L1CAM: variants seen among roughly 807,000 people sequenced by gnomAD.
The protein encoded by L1CAM is L1 cell adhesion molecule, also known as neural cell adhesion molecule L1.
Under a neutral mutation model 93.0 loss-of-function variants are expected in L1CAM, and 8 were observed. The observed-to-expected ratio is 0.09, with a 90% CI of 0.05 to 0.16. L1CAM has a LOEUF of 0.16. Ranked by LOEUF, L1CAM falls within the 10% of genes least tolerant of loss-of-function variation. The pLI is 1.00. For synonymous variants in L1CAM, 453 were observed against 453.0 expected, an observed-to-expected ratio of 1.00 and a Z score of 0.00; for missense variants, 777 against 1,073.4, an observed-to-expected ratio of 0.72 and a Z score of 3.86.
At chrX:153,885,188 G>A (rs1557096650) in intron 1 of L1CAM, among the ~76,000 whole-genome samples, 1 of 113,371 alleles carries the variant, frequency 8.8e-6, no homozygotes, top group African/African-American at 3.2e-5. Context: ...CACAGAGATA[G>A]GAAGATGTGG....
chrX:153,862,971 G>A (rs1269479088), intron 28 of L1CAM, 77 bp from the exon 29 acceptor site: 11 of 781,250 alleles, frequency 1.4e-5, no homozygotes, highest in Non-Finnish European at 2.1e-5. Flanking sequence ...TGAGGCAGAC[G>A]CCCGCCTGCC....
chrX:153,870,312 C>G (rs1260296575), intron 8 of L1CAM, 72 bp from the exon 9 acceptor site: 2 of 1,177,613 alleles, frequency 1.7e-6, no homozygotes, highest in Middle Eastern at 2.6e-4. Flanking sequence ...CCCCTATACC[C>G]CGCGGTGGTC....
chrX:153,883,598 A>C, intron 1 of L1CAM: 1 of 272,854 alleles, frequency 3.7e-6, no homozygotes, highest in Non-Finnish European at 7.2e-6. Context: ...CAGGGCAATG[A>C]GCACCCTGCT....
At chrX:153,875,526 G>T (rs2064806153) in intron 2 of L1CAM, 8 of 492,172 alleles carry the variant, frequency 1.6e-5, no homozygotes, top group Non-Finnish European at 2.6e-5. Flanking sequence ...TGCTGAAATC[G>T]CCCCGGCGGC....
intron 1 of L1CAM, among the ~76,000 whole-genome samples, chrX:153,877,005 TAAATAA>T (rs1209481788): frequency 9.7e-6 from 1 of 103,152 alleles, no homozygotes. Flanking sequence ...TCTAAAAAAA[TAAATAA>T]AAATAAAAAT....
intron 5 of L1CAM, 37 bp downstream of exon 5, chrX:153,872,115 G>A (rs200272861): frequency 2.8e-5 from 32 of 1,134,889 alleles, no homozygotes; most frequent in Admixed American, 8.8e-5. Flanking sequence ...CACGAACTCC[G>A]GGACCTGCCC....
chrX:153,881,932 A>AG (rs782803013), intron 1 of L1CAM, among the ~76,000 whole-genome samples: 18 of 111,722 alleles, frequency 1.6e-4, no homozygotes, highest in Non-Finnish European at 2.1e-4. Flanking sequence ...CTAGCACTAG[A>AG]GGGGGCTTCA....
In L1CAM at chrX:153,862,700, G is replaced by T. The variant is rs1557089253; in HGVS notation, c.3737C>A (p.Ala1246Asp). The change falls in exon 29 of 29, where the codon GCC becomes GAC. Residue 1246 changes from alanine to aspartate, a missense_variant. Physicochemically the swap from Ala to Asp is moderately radical, Grantham distance 126 (BLOSUM62 -2). Around this residue, in one of 5 missense-constraint regions of L1CAM, gnomAD observed 110 missense variants for 141.7 expected, o/e 0.78. Transcript: ENST00000370060. ...EAAGGNDSSGATSPINPAVAL... is the reference protein window; with the variant it reads ...EAAGGNDSSGDTSPINPAVAL... The stretch of plus-strand genomic sequence containing the variant: ...CACGGCAGGGTTGATGGGGGAAGTG[G>T]CCCCTGAGCTGTCATTGCCCCCTGC... 4.1e-6 allele frequency: 5 copies of T among 1,211,366 alleles called. No individual in the cohort carries two copies. The Admixed American group carries it at 1.1e-4, about 26-fold the overall frequency.
At chrX:153,883,299 C>A (rs2148506389) in intron 1 of L1CAM, among the ~76,000 whole-genome samples, 1 of 110,705 alleles carries the variant, frequency 9.0e-6, no homozygotes, top group Admixed American at 9.5e-5. Context: ...GAGGGCCAGG[C>A]AGGCAGAGGC....
At chrX:153,864,159 A>ACAG in intron 25 of L1CAM, 142 bp from the exon 26 acceptor site, 1 of 1,031,084 alleles carries the variant, frequency 9.7e-7, no homozygotes, top group East Asian at 3.0e-5. Flanking sequence ...CGGAAAGGGT[A>ACAG]TGAAAGGGGG....
rs1175408854 is a variant in L1CAM, at chrX:153,870,840, C to T, written c.644G>A (p.Gly215Asp). 3 of 1,209,021 alleles carry T rather than the reference C, an allele frequency of 2.5e-6. No homozygotes were observed. Among genetic ancestry groups the T allele is most frequent in the Non-Finnish European group, 3.4e-6 (3 of 894,715 alleles). Residue 215 changes from glycine to aspartate, a missense_variant, in exon 7 of 29, where the codon GGC (glycine) becomes GAC (aspartate). Physicochemically the swap from Gly to Asp is moderately conservative, Grantham distance 94. Transcript: ENST00000370060. ...SDYICHAHFPGTRTIIQKEPI... is the reference protein window; with the variant it reads ...SDYICHAHFPDTRTIIQKEPI... ...TTCCTTCTGAATGATGGTCCTGGTG[C>T]CTGGGAAGTGGGCGTGGCAGATGTA...
In L1CAM at chrX:153,866,790, G is replaced by T. The variant is rs201982458; in HGVS notation, c.2290C>A (p.Gln764Lys). ...WRPQGTRGPW[Q>K]EQIVSDPFLV... ...AAGGGGTCGCTGACAATCTGCTCCT[G>T]CCAGGGCCCTCGTGTCCCCTGAGGG... Residue 764 changes from glutamine (Q) to lysine (K), a missense_variant, in exon 19 of 29, where the codon CAG (glutamine) becomes AAG (lysine). Around this residue, in one of 5 missense-constraint regions of L1CAM, gnomAD observed 574 missense variants for 781.0 expected, o/e 0.73. Transcript: ENST00000370060. 1.7e-6 allele frequency: 2 copies of T among 1,211,339 alleles called. No individual in the cohort carries two copies. Among genetic ancestry groups the T allele is most frequent in the African/African-American group, 3.5e-5 (2 of 57,782 alleles).
intron 13 of L1CAM, 44 bp downstream of exon 13, chrX:153,868,517 C>G: frequency 8.3e-7 from 1 of 1,211,950 alleles, no homozygotes; most frequent in Non-Finnish European, 1.1e-6. Context: ...CCCAGACCCT[C>G]CCTCCCAGAG....
intron 5 of L1CAM, among the ~76,000 whole-genome samples, chrX:153,871,867 C>G (rs184593210): frequency 3.4e-4 from 35 of 103,239 alleles, no homozygotes; most frequent in Non-Finnish European, 5.8e-4. Context: ...GCCCGCCCCC[C>G]CCTCCCCCCG....
chrX:153,870,665 G>A (rs1430085076), intron 7 of L1CAM, 125 bp downstream of exon 7: 5 of 822,587 alleles, frequency 6.1e-6, no homozygotes, highest in Non-Finnish European at 9.1e-6. Flanking sequence ...GGTCTGGGCA[G>A]GGTAGAGGTG....
intron 1 of L1CAM, among the ~76,000 whole-genome samples, chrX:153,879,153 G>T (rs187403264): frequency 2.0e-3 from 226 of 111,151 alleles, no homozygotes; most frequent in Non-Finnish European, 3.7e-3. Context: ...GAGCGGGGAG[G>T]GGGGAGTGTT....
chrX:153,880,302 C>T (rs1454263035), intron 1 of L1CAM: 4 of 151,035 alleles, frequency 2.6e-5, no homozygotes, highest in African/African-American at 9.6e-5. Context: ...GAACCTCCAG[C>T]GGTGCCCTGC....
At chrX:153,882,594 G>A (rs1250239216) in intron 1 of L1CAM, among the ~76,000 whole-genome samples, 3 of 109,321 alleles carry the variant, frequency 2.7e-5, no homozygotes, top group African/African-American at 6.7e-5. Flanking sequence ...CTGCCTGGCT[G>A]GAGGGCAGGG....
chrX:153,865,652 T>C, intron 20 of L1CAM, 52 bp downstream of exon 20: 1 of 1,031,776 alleles, frequency 9.7e-7, no homozygotes, highest in Non-Finnish European at 1.4e-6. Context: ...CACCATCCTG[T>C]CGCTTTACCT....
Sources: allele counts gnomAD v4.1 joint callset (sites outside exome capture counted in the v4.1 genomes callset), GRCh38; gene constraint gnomAD v4.1.1; regional missense constraint gnomAD v4.1.1; transcripts MANE v1.5; gene names NCBI Gene and HGNC (gene_info 2026-07-23, HGNC 2026-07-21).